The following SH3RF2 variants were observed in gnomAD, a reference collection of about 807,000 sequenced individuals.
SH3RF2 encodes the protein E3 ubiquitin-protein ligase SH3RF2.
Under a neutral mutation model 59.0 loss-of-function variants are expected in SH3RF2, and 43 were observed. The ratio of observed to expected loss-of-function variants is 0.73; its 90% CI spans 0.57 to 0.94. The LOEUF (loss-of-function observed/expected upper bound fraction) is 0.94. Among genes scored for constraint, SH3RF2 ranks in the 40% least tolerant of loss-of-function variants. The probability of loss-of-function intolerance (pLI) is 0.00; values close to 1 mark genes in which losing one functional copy is unlikely to be tolerated. For missense variants in SH3RF2, 930 were observed against 940.1 expected (o/e 0.99, Z 0.14); for synonymous variants, 391 against 391.5 (o/e 1.00, Z 0.01).
rs1757659881 is a variant in SH3RF2, at chr5:145,937,961, G to A, written c.33G>A (p.Glu11=). MDDLTLLDLL[E]CPVCFEKLDV... ...ATTTGACGTTACTTGATCTTCTGGA[G>A]TGCCCTGTGTGCTTTGAGAAGCTCG... Residue 11 remains glutamate (E), a synonymous_variant, in exon 2 of 10, where the codon GAG becomes GAA. Transcript: ENST00000359120. 1 of 1,614,082 alleles carries A rather than the reference G, an allele frequency of 6.2e-7. No individual in the cohort carries two copies. The highest frequency in any genetic ancestry group is 8.5e-7 in the Non-Finnish European group (1 of 1,179,994).
chr5:145,965,562 GC>G lies in SH3RF2; in HGVS notation c.378+27258del, dbSNP rs1758826945. Among the ~76,000 whole-genome samples, 3 of 152,260 alleles carry G rather than the reference GC, an allele frequency of 2.0e-5. No homozygotes were observed. The South Asian group carries it at 6.2e-4, about 32-fold the overall frequency. ...AGTTATATTCATTTCAACGAACACT[GC>G]CTTTTGCACAGAGAGTATTAGAGTA... On this transcript the variant is annotated intron_variant, in intron 2 of 9. Transcript: ENST00000359120.
intron 5 of SH3RF2, among the ~76,000 whole-genome samples, chr5:146,030,114 G>T (rs1057512776): frequency 6.6e-6 from 1 of 152,204 alleles, no homozygotes; most frequent in African/African-American, 2.4e-5. Flanking sequence ...AGTCAGAAAT[G>T]AGAACAAATC....
intron 2 of SH3RF2, among the ~76,000 whole-genome samples, chr5:145,946,524 G>A (rs1028707433): frequency 6.6e-6 from 1 of 152,082 alleles, no homozygotes; most frequent in Non-Finnish European, 1.5e-5. Context: ...GAAACAAGTG[G>A]CACACTATAT....
downstream of SH3RF2, among the ~76,000 whole-genome samples, chr5:146,066,527 G>A (rs1037503280): frequency 6.6e-6 from 1 of 152,180 alleles, no homozygotes; most frequent in African/African-American, 2.4e-5. Flanking sequence ...GAAATTTCCA[G>A]TGAAGAAATT....
rs995726781 is a variant in SH3RF2, at chr5:146,007,468, G to A, written c.744+3315G>A. Among the ~76,000 whole-genome samples, 23 of 152,202 alleles carry A rather than the reference G, an allele frequency of 1.5e-4. 1 individual carries two copies. The highest frequency in any genetic ancestry group is 5.5e-4 in the African/African-American group (23 of 41,446). ...AGTGGAAGTTAGGATGATTCAGTCA[G>A]TGGTTGACTCTCCAAGGACAGACGT... On this transcript the variant is annotated intron_variant, in intron 4 of 9. Coordinates refer to ENST00000359120, the MANE Select transcript of SH3RF2 (RefSeq NM_152550.4).
chr5:145,938,134 TC>T lies in SH3RF2; in HGVS notation c.207del (p.Val70CysfsTer25). 6.2e-7 allele frequency: 1 copy of T among 1,614,232 alleles called. No individual in the cohort carries two copies. The highest frequency in any genetic ancestry group is 8.5e-7 in the Non-Finnish European group (1 of 1,180,034). On this transcript the variant is annotated frameshift_variant, in exon 2 of 10. Transcript: ENST00000359120. LOFTEE classifies it high-confidence loss of function. ...NIEALPANLLLVRLLDGVRSG... is the reference protein window; with the variant it reads ...NIEALPANLLXVRLLDGVRSG... ...GAGGCGCTGCCGGCCAACCTGCTGCTCGTGCGCCTTCTGGATGGAGTGCGCT... is the reference window on the plus strand; with the variant it reads ...GAGGCGCTGCCGGCCAACCTGCTGCTGTGCGCCTTCTGGATGGAGTGCGCT...
chr5:145,979,652 A>T (rs139818321), intron 2 of SH3RF2, among the ~76,000 whole-genome samples: 2 of 152,182 alleles, frequency 1.3e-5, no homozygotes, highest in Admixed American at 1.3e-4. Flanking sequence ...AAATTTAACA[A>T]TTGGCTTTCA....
At chr5:145,999,315 G>C (rs1241256953) in intron 2 of SH3RF2, among the ~76,000 whole-genome samples, 1 of 152,170 alleles carries the variant, frequency 6.6e-6, no homozygotes, top group Admixed American at 6.5e-5. Flanking sequence ...ACACAAACCA[G>C]TCAAACTTTC....
intron 2 of SH3RF2, among the ~76,000 whole-genome samples, chr5:145,944,623 T>C (rs530312327): frequency 1.3e-5 from 2 of 152,344 alleles, no homozygotes; most frequent in African/African-American, 4.8e-5. Context: ...AAACCTGAGA[T>C]TAAAGTAAAA....
rs1162366254 is a variant in SH3RF2 at position 146,013,800 on chromosome 5, C to G, written c.798C>G (p.Ser266=). 3 of 1,614,020 alleles carry G rather than the reference C, an allele frequency of 1.9e-6. No homozygotes were observed. Among genetic ancestry groups the G allele is most frequent in the African/African-American group, 2.7e-5 (2 of 74,914 alleles). ...AGAAGAACAAAGGTCGCCAGTCATCCCGCACAAAAAACCTGTCCCTGGTGT... is the reference window on the plus strand; with the variant it reads ...AGAAGAACAAAGGTCGCCAGTCATCGCGCACAAAAAACCTGTCCCTGGTGT... ...LLEKNKGRQS[S]RTKNLSLVSS... Residue 266 remains serine, a synonymous_variant, in exon 5 of 10, where the codon TCC becomes TCG. Coordinates refer to ENST00000359120, the MANE Select transcript of SH3RF2 (RefSeq NM_152550.4).
chr5:146,028,135 A>G (rs1017118760), intron 5 of SH3RF2, among the ~76,000 whole-genome samples: 1 of 147,764 alleles, frequency 6.8e-6, no homozygotes, highest in East Asian at 2.0e-4. Flanking sequence ...AGCAGGGGAC[A>G]TTGATATCCA....
In SH3RF2 at chr5:146,005,385, G is replaced by A. The variant is rs563313557; in HGVS notation, c.744+1232G>A. Among the ~76,000 whole-genome samples the A allele has an allele frequency of 2.0e-4, 30 of 152,308 alleles. 3 individuals carry two copies. Among genetic ancestry groups the A allele is most frequent in the African/African-American group, 5.3e-4 (22 of 41,574 alleles). On this transcript the variant is annotated intron_variant, in intron 4 of 9. Transcript: ENST00000359120. ...GAAAGCTATGAAAGAAGTAAAAGGC[G>A]TGCTGTCCACCCTGGGGATTGGAGG...
rs578125284 is a variant in SH3RF2, at chr5:146,006,653, A to G, written c.744+2500A>G. On this transcript the variant is annotated intron_variant, in intron 4 of 9. Transcript: ENST00000359120. ...TTAGAGAGTGAAAGAGGAACAAAAAATGAAGCCAGGGAAGTAAATGGAAGA... is the reference window on the plus strand; with the variant it reads ...TTAGAGAGTGAAAGAGGAACAAAAAGTGAAGCCAGGGAAGTAAATGGAAGA... 9.8e-5 allele frequency among the ~76,000 whole-genome samples: 15 copies of G among 152,330 alleles called. 3 individuals carry two copies. The highest frequency in any genetic ancestry group is 3.6e-4 in the African/African-American group (15 of 41,580).
intron 7 of SH3RF2, among the ~76,000 whole-genome samples, chr5:146,050,604 G>A (rs1050402273): frequency 2.5e-4 from 38 of 152,292 alleles, no homozygotes; most frequent in African/African-American, 9.1e-4. Flanking sequence ...CATTTAATTG[G>A]CAAATATTGA....
intron 5 of SH3RF2, among the ~76,000 whole-genome samples, chr5:146,033,673 T>C (rs1279062028): frequency 2.6e-5 from 4 of 151,820 alleles, no homozygotes; most frequent in Non-Finnish European, 5.9e-5. Context: ...TTTCTCCATG[T>C]GGGTCAGGCT....
At position 146,028,894 on chromosome 5, in the gene SH3RF2, C is replaced by T. The variant is rs147295928; in HGVS notation, c.1059+14833C>T. On this transcript the variant is annotated intron_variant, in intron 5 of 9. Coordinates refer to ENST00000359120, the MANE Select transcript of SH3RF2 (RefSeq NM_152550.4). ...TGCCTGTGCCCTGTCCCTGGAAATG[C>T]GCCAAAACACGAACGCGCTCCTAGC... Among the ~76,000 whole-genome samples the T allele has an allele frequency of 3.7e-3, 567 of 152,278 alleles. 4 individuals are homozygous for T. The highest frequency in any genetic ancestry group is 0.013 in the African/African-American group (537 of 41,542).
chr5:146,007,491 C>A (rs372743495), intron 4 of SH3RF2, among the ~76,000 whole-genome samples: 5 of 152,262 alleles, frequency 3.3e-5, no homozygotes, highest in African/African-American at 1.2e-4. Context: ...CAAGGACAGA[C>A]GTCAGCTGCA....
At chr5:146,077,159 C>T (rs1029975117) in intron 9 of SH3RF2, among the ~76,000 whole-genome samples, 9 of 152,174 alleles carry the variant, frequency 5.9e-5, no homozygotes, top group African/African-American at 2.2e-4. Flanking sequence ...AAAGATCGAA[C>T]TTCTGTTATG....
At chr5:146,041,265 G>A (rs1452123733) in intron 5 of SH3RF2, among the ~76,000 whole-genome samples, 1 of 152,204 alleles carries the variant, frequency 6.6e-6, no homozygotes, top group Non-Finnish European at 1.5e-5. Context: ...GTCCAGGCAA[G>A]CCTCTTGTGC....
Sources: gnomAD v4.1 joint callset for allele counts (sites outside exome capture counted in the v4.1 genomes callset) on GRCh38, gnomAD v4.1.1 for gene constraint, MANE v1.5 for transcripts, NCBI Gene and HGNC (gene_info 2026-07-23, HGNC 2026-07-21) for gene names.